The following SLIT2 variants were observed in gnomAD, a reference collection of about 807,000 sequenced individuals.
SLIT2 encodes slit guidance ligand 2, also known as slit homolog 2 protein.
SLIT2 carries 41 observed loss-of-function variants against 185.7 expected under a neutral mutation model. The ratio of observed to expected loss-of-function variants is 0.22; its 90% CI spans 0.17 to 0.29. The LOEUF (loss-of-function observed/expected upper bound fraction) is 0.29. Among genes scored for constraint, SLIT2 ranks in the 10% least tolerant of loss-of-function variants. The pLI, the probability that SLIT2 is intolerant of heterozygous loss-of-function variation, is 1.00. For synonymous variants in SLIT2, 693 were observed against 680.2 expected (o/e 1.02, Z -0.29); for missense variants, 1,571 against 1,909.0 (o/e 0.82, Z 3.30).
intron 4 of SLIT2, among the ~76,000 whole-genome samples, chr4:20,386,012 C>T (rs1046712245): frequency 3.3e-4 from 50 of 152,196 alleles, no homozygotes; most frequent in African/African-American, 1.1e-3. Flanking sequence ...CTAGTTATAA[C>T]GGCCAAAGTC....
At position 20,617,631 on chromosome 4, in the gene SLIT2, G is replaced by A. The variant is rs781545058; in HGVS notation, c.4329G>A (p.Thr1443=). ...ACTGTGAATGCAGCAGTGGATACACGGGGGACAGCTGTGATCGAGGTAAGC... is the reference window on the plus strand; with the variant it reads ...ACTGTGAATGCAGCAGTGGATACACAGGGGACAGCTGTGATCGAGGTAAGC... ...QPYCECSSGY[T]GDSCDREISC... is the part of the protein sequence containing the mutation. Residue 1443 remains threonine (T), a synonymous_variant, in exon 36 of 37, where the codon ACG becomes ACA. Transcript: ENST00000504154. The A allele has an allele frequency of 3.7e-6, 6 of 1,611,246 alleles. No homozygotes were observed. The highest frequency in any genetic ancestry group is 2.2e-5 in the South Asian group (2 of 90,630).
At chr4:20,269,712 G>T (rs1035015864) in intron 4 of SLIT2, among the ~76,000 whole-genome samples, 26 of 151,930 alleles carry the variant, frequency 1.7e-4, no homozygotes, top group African/African-American at 6.0e-4. Flanking sequence ...TGCTCCATTA[G>T]CCCCCACCTG....
At chr4:20,567,454 T>A in intron 27 of SLIT2, 64 bp from the exon 28 acceptor site, 1 of 1,610,404 alleles carries the variant, frequency 6.2e-7, no homozygotes, top group South Asian at 1.1e-5. Context: ...TTTATTATTC[T>A]ACTGTGCTTT....
chr4:20,618,668 G>A (rs575730404), intron 36 of SLIT2, 100 bp from the exon 37 acceptor site: 1 of 1,246,350 alleles, frequency 8.0e-7, no homozygotes, highest in Non-Finnish European at 1.1e-6. Flanking sequence ...AGTTACAAAG[G>A]GGAAGCAAAG....
At chr4:20,477,152 C>CAA (rs1716198655) in intron 5 of SLIT2, among the ~76,000 whole-genome samples, 1 of 63,764 alleles carries the variant, frequency 1.6e-5, no homozygotes, top group African/African-American at 6.9e-5. Flanking sequence ...ATACCTCCTA[C>CAA]CATAAAAAAA....
chr4:20,336,621 G>A (rs1357261361), intron 4 of SLIT2, among the ~76,000 whole-genome samples: 1 of 152,060 alleles, frequency 6.6e-6, no homozygotes, highest in East Asian at 1.9e-4. Context: ...CATGGCACAT[G>A]TATACATATG....
chr4:20,378,560 C>T (rs1724223157), intron 4 of SLIT2, among the ~76,000 whole-genome samples: 1 of 152,082 alleles, frequency 6.6e-6, no homozygotes, highest in Non-Finnish European at 1.5e-5. Flanking sequence ...ATAGTTATCA[C>T]ATAAACTCAG....
At chr4:20,569,871 C>T (rs1012149661) in intron 29 of SLIT2, among the ~76,000 whole-genome samples, 7 of 151,904 alleles carry the variant, frequency 4.6e-5, no homozygotes, top group Admixed American at 6.6e-5. Context: ...TAATACATAG[C>T]GAGAAAATCA....
chr4:20,612,442 C>G (rs555325851), intron 34 of SLIT2, among the ~76,000 whole-genome samples: 45 of 152,150 alleles, frequency 3.0e-4, no homozygotes, highest in Admixed American at 8.5e-4. Flanking sequence ...CACTTTCATC[C>G]CAGTCCCACT....
chr4:20,257,298 G>T (rs1440643680), intron 2 of SLIT2, among the ~76,000 whole-genome samples: 3 of 151,928 alleles, frequency 2.0e-5, no homozygotes. Flanking sequence ...TAATTAGTGG[G>T]TTAAATTAGC....
chr4:20,464,401 A>G (rs140948743), intron 4 of SLIT2, among the ~76,000 whole-genome samples: 3 of 152,256 alleles, frequency 2.0e-5, no homozygotes, highest in African/African-American at 4.8e-5. Context: ...CTGAAACTCA[A>G]TTTCCAGATT....
intron 4 of SLIT2, among the ~76,000 whole-genome samples, chr4:20,292,987 A>G (rs190361201): frequency 6.6e-6 from 1 of 152,346 alleles, no homozygotes; most frequent in Non-Finnish European, 1.5e-5. Flanking sequence ...CGAAGGCAAT[A>G]GAGACTTCAC....
chr4:20,472,322 A>ATCTATATAGATATCTATATCTATATATC (rs1715264802), intron 5 of SLIT2, among the ~76,000 whole-genome samples: 1 of 93,572 alleles, frequency 1.1e-5, no homozygotes, highest in African/African-American at 4.6e-5. Flanking sequence ...ATAGATATAT[A>ATCTATATAGATATCTATATCTATATATC]TATCTATATA....
intron 4 of SLIT2, among the ~76,000 whole-genome samples, chr4:20,309,501 C>G (rs1457847919): frequency 1.3e-5 from 2 of 151,348 alleles, no homozygotes; most frequent in Non-Finnish European, 2.9e-5. Flanking sequence ...CCTCTGTCTT[C>G]AAATATGCTT....
intron 28 of SLIT2, 133 bp downstream of exon 28, chr4:20,567,748 G>T: frequency 1.5e-6 from 1 of 686,326 alleles, no homozygotes; most frequent in Non-Finnish European, 2.6e-6. Flanking sequence ...ATATGTATTG[G>T]TCCCTCTCGT....
intron 4 of SLIT2, among the ~76,000 whole-genome samples, chr4:20,350,239 A>G (rs1478414677): frequency 6.6e-6 from 1 of 151,974 alleles, no homozygotes; most frequent in Non-Finnish European, 1.5e-5. Context: ...GATTTTTTTT[A>G]TTAAATAAGT....
intron 33 of SLIT2, among the ~76,000 whole-genome samples, chr4:20,599,577 A>T (rs916070359): frequency 6.6e-6 from 1 of 152,220 alleles, no homozygotes; most frequent in African/African-American, 2.4e-5. Flanking sequence ...ATGAACCAAT[A>T]GTAAATATTT....
intron 4 of SLIT2, among the ~76,000 whole-genome samples, chr4:20,333,215 A>G (rs1216023360): frequency 2.0e-5 from 3 of 152,140 alleles, no homozygotes; most frequent in Non-Finnish European, 4.4e-5. Flanking sequence ...AAAAAAATTC[A>G]ATGGACTAAT....
In SLIT2 at chr4:20,327,511, A is replaced by C. The variant is rs576970926; in HGVS notation, c.395+58630A>C. 3.9e-5 allele frequency among the ~76,000 whole-genome samples: 6 copies of C among 152,148 alleles called. No homozygotes were observed. In the South Asian group the frequency reaches 1.2e-3, roughly 32 times the overall value. On this transcript the variant is annotated intron_variant, in intron 4 of 36. Transcript: ENST00000504154. ...CTACCTGCAAGACTGGAAATGACAT[A>C]GAGTAATTGTTTTTCTTCCTTCTTT... is the stretch of plus-strand genomic sequence containing the variant.
Sources: gnomAD v4.1 joint callset for allele counts (sites outside exome capture counted in the v4.1 genomes callset) on GRCh38, gnomAD v4.1.1 for gene constraint, MANE v1.5 for transcripts, NCBI Gene and HGNC (gene_info 2026-07-23, HGNC 2026-07-21) for gene names.